The following ITSN1 variants were observed in gnomAD, a reference collection of about 807,000 sequenced individuals.
ITSN1 encodes intersectin-1.
Under a neutral mutation model 239.8 loss-of-function variants are expected in ITSN1, and 58 were observed. That is an observed-to-expected ratio of 0.24 (90% CI 0.20 to 0.30). ITSN1 has a LOEUF of 0.30. Among genes scored for constraint, ITSN1 ranks in the 10% least tolerant of loss-of-function variants. The pLI, the probability that ITSN1 is intolerant of heterozygous loss-of-function variation, is 1.00. For synonymous variants in ITSN1, 780 were observed against 770.8 expected, an observed-to-expected ratio of 1.01 and a Z score of -0.20; for missense variants, 1,558 against 2,103.3, an observed-to-expected ratio of 0.74 and a Z score of 5.07.
At chr21:33,864,827 G>C (rs1981278566) in intron 31 of ITSN1, among the ~76,000 whole-genome samples, 1 of 152,094 alleles carries the variant, frequency 6.6e-6, no homozygotes, top group Admixed American at 6.6e-5. Flanking sequence ...ACATCAACCT[G>C]GGGCTTTCAC....
chr21:33,729,478 G>A (rs1344454723), intron 4 of ITSN1, among the ~76,000 whole-genome samples: 32 of 149,258 alleles, frequency 2.1e-4, no homozygotes, highest in Admixed American at 1.7e-3. Flanking sequence ...AAAAAAAAAA[G>A]AACCTAGTAA....
intron 1 of ITSN1, among the ~76,000 whole-genome samples, chr21:33,701,630 T>TAA (rs371072153): frequency 3.5e-4 from 49 of 141,084 alleles, no homozygotes; most frequent in Non-Finnish European, 5.3e-4. Flanking sequence ...CTGTGTCTGT[T>TAA]AAAAAAAAAA....
chr21:33,655,301 A>G (rs2088946672), intron 1 of ITSN1, among the ~76,000 whole-genome samples: 1 of 152,128 alleles, frequency 6.6e-6, no homozygotes, highest in South Asian at 2.1e-4. Flanking sequence ...TTTCACATCC[A>G]TATAAAATGT....
intron 1 of ITSN1, among the ~76,000 whole-genome samples, chr21:33,658,367 TATAC>T (rs1260688381): frequency 6.6e-6 from 1 of 152,162 alleles, no homozygotes; most frequent in Non-Finnish European, 1.5e-5. Context: ...GTCAACTACT[TATAC>T]AAACCGAGGT....
At chr21:33,860,738 G>A (rs1291645515) in intron 31 of ITSN1, among the ~76,000 whole-genome samples, 1 of 152,180 alleles carries the variant, frequency 6.6e-6, no homozygotes, top group East Asian at 1.9e-4. Flanking sequence ...TCCCGGAATA[G>A]AGACTCCGCC....
chr21:33,675,712 GATAGGTGAAA>G (rs1167020892), intron 1 of ITSN1, among the ~76,000 whole-genome samples: 1 of 152,226 alleles, frequency 6.6e-6, no homozygotes, highest in African/African-American at 2.4e-5. Context: ...TTGCCAGCCT[GATAGGTGAAA>G]ATAGTATCTT....
intron 12 of ITSN1, among the ~76,000 whole-genome samples, 193 bp downstream of exon 12, chr21:33,772,516 T>C (rs569154764): frequency 2.2e-4 from 34 of 152,330 alleles, no homozygotes; most frequent in African/African-American, 7.9e-4. Flanking sequence ...ATTAAGCAGC[T>C]ACTCCCCATT....
intron 16 of ITSN1, among the ~76,000 whole-genome samples, chr21:33,785,092 C>T (rs201113662): frequency 1.3e-5 from 2 of 152,118 alleles, no homozygotes; most frequent in Admixed American, 6.5e-5. Context: ...TTCATGTTCA[C>T]GTAGATTGTT....
At chr21:33,681,679 C>T (rs1445097324) in intron 1 of ITSN1, among the ~76,000 whole-genome samples, 22 of 142,408 alleles carry the variant, frequency 1.5e-4, no homozygotes, top group South Asian at 2.2e-4. Context: ...TTTTTGTTTT[C>T]GTGTTTTTTG....
At chr21:33,700,823 T>A (rs1390959834) in intron 1 of ITSN1, among the ~76,000 whole-genome samples, 1 of 152,156 alleles carries the variant, frequency 6.6e-6, no homozygotes, top group East Asian at 1.9e-4. Flanking sequence ...GAAAAACAGA[T>A]GATGTATGTT....
chr21:33,663,210 G>C (rs1460171317), intron 1 of ITSN1, among the ~76,000 whole-genome samples: 1 of 152,180 alleles, frequency 6.6e-6, no homozygotes, highest in East Asian at 1.9e-4. Flanking sequence ...AGGAAGTTAT[G>C]CCTGTAATTA....
chr21:33,781,004 T>A (rs765502263), intron 14 of ITSN1, among the ~76,000 whole-genome samples: 1 of 152,218 alleles, frequency 6.6e-6, no homozygotes, highest in Non-Finnish European at 1.5e-5. Flanking sequence ...GTTTCTAACT[T>A]CAGGTATACG....
intron 8 of ITSN1, among the ~76,000 whole-genome samples, chr21:33,761,345 G>A (rs1411367018): frequency 1.3e-5 from 2 of 152,048 alleles, no homozygotes; most frequent in African/African-American, 4.8e-5. Flanking sequence ...GGGATTACAG[G>A]CACGAGTGAC....
chr21:33,880,943 T>C (rs1344745618), intron 34 of ITSN1, among the ~76,000 whole-genome samples: 1 of 150,744 alleles, frequency 6.6e-6, no homozygotes, highest in Non-Finnish European at 1.5e-5. Flanking sequence ...CTAGTGGAGG[T>C]GATGGACCCC....
rs1035820093 is a variant in ITSN1, at chr21:33,718,808, C to G, written c.-21C>G. The G allele has an allele frequency of 7.5e-6, 12 of 1,609,788 alleles. No individual in the cohort carries two copies. The highest frequency in any genetic ancestry group is 1.0e-5 in the Non-Finnish European group (12 of 1,177,514). ...ATTTTCACTTACAGGCGTCGATTAGCAAGGTAAAAGTAACAGAACCATGGC... is the reference window on the plus strand; with the variant it reads ...ATTTTCACTTACAGGCGTCGATTAGGAAGGTAAAAGTAACAGAACCATGGC... On this transcript the variant is annotated 5_prime_UTR_variant, in exon 2 of 40. Transcript: ENST00000381318.
intron 1 of ITSN1, among the ~76,000 whole-genome samples, chr21:33,666,678 C>T (rs768956086): frequency 6.6e-6 from 1 of 152,294 alleles, no homozygotes; most frequent in East Asian, 1.9e-4. Flanking sequence ...TATGTCTTTG[C>T]CTTGTGCAGA....
At chr21:33,803,064 T>C (rs1260152940) in intron 20 of ITSN1, among the ~76,000 whole-genome samples, 1 of 152,144 alleles carries the variant, frequency 6.6e-6, no homozygotes, top group Non-Finnish European at 1.5e-5. Context: ...ATTTAAAAAA[T>C]ACATGAAAAG....
chr21:33,753,772 A>C (rs941159924), intron 7 of ITSN1, among the ~76,000 whole-genome samples: 10 of 150,162 alleles, frequency 6.7e-5, no homozygotes, highest in African/African-American at 2.2e-4. Flanking sequence ...AAAAAAAAAA[A>C]AAAAAAAAAA....
At chr21:33,763,644 G>GTT (rs1292247653) in intron 9 of ITSN1, among the ~76,000 whole-genome samples, 1 of 151,346 alleles carries the variant, frequency 6.6e-6, no homozygotes, top group Admixed American at 6.6e-5. Flanking sequence ...TTGTTGTTTT[G>GTT]TTTTTGATAA....
Sources: allele counts gnomAD v4.1 joint callset (sites outside exome capture counted in the v4.1 genomes callset), GRCh38; gene constraint gnomAD v4.1.1; transcripts MANE v1.5; gene names NCBI Gene and HGNC (gene_info 2026-07-23, HGNC 2026-07-21).